Variants in PTPN1 observed in about 807,000 individuals in gnomAD.
The protein encoded by PTPN1 is protein tyrosine phosphatase non-receptor type 1.
A neutral mutation model predicts 59.9 loss-of-function variants in PTPN1; 12 were observed. The observed-to-expected ratio is 0.20, with a 90% CI of 0.13 to 0.32. The LOEUF (loss-of-function observed/expected upper bound fraction) is 0.32, where lower values mean the gene tolerates loss of function less well. Among genes scored for constraint, PTPN1 ranks in the 10% least tolerant of loss-of-function variants. PTPN1 has a pLI of 1.00. For synonymous variants in PTPN1, 178 were observed against 203.6 expected (o/e 0.87, Z 1.07); for missense variants, 356 against 549.2 (o/e 0.65, Z 3.52).
At chr20:50,545,831 C>T (rs2082672900) in intron 1 of PTPN1, among the ~76,000 whole-genome samples, 1 of 151,912 alleles carries the variant, frequency 6.6e-6, no homozygotes, top group African/African-American at 2.4e-5. Context: ...GCCCAGGCAG[C>T]ATAGCGAGAC....
chr20:50,525,797 G>A (rs1484081128), intron 1 of PTPN1, among the ~76,000 whole-genome samples: 1 of 151,516 alleles, frequency 6.6e-6, no homozygotes, highest in East Asian at 1.9e-4. Flanking sequence ...TCATTTATGT[G>A]TCACTGAGTG....
At chr20:50,577,475 C>T (rs1161558344) in intron 5 of PTPN1, 2 of 152,262 alleles carry the variant, frequency 1.3e-5, no homozygotes, top group African/African-American at 2.4e-5. Context: ...AGCCCTTTCC[C>T]TCTCAGGGCC....
At chr20:50,533,434 ACTGCCCC>A (rs1029871199) in intron 1 of PTPN1, among the ~76,000 whole-genome samples, 2 of 151,214 alleles carry the variant, frequency 1.3e-5, no homozygotes, top group Non-Finnish European at 2.9e-5. Context: ...CACATTACCC[ACTGCCCC>A]CTGCCCCCCG....
At chr20:50,564,080 A>C (rs74625864) in intron 2 of PTPN1, among the ~76,000 whole-genome samples, 9 of 151,998 alleles carry the variant, frequency 5.9e-5, no homozygotes, top group Non-Finnish European at 1.5e-5. Context: ...AAAAAAAAAA[A>C]CAAAAACCTC....
chr20:50,547,321 G>A (rs1346733223), intron 1 of PTPN1, among the ~76,000 whole-genome samples: 1 of 151,640 alleles, frequency 6.6e-6, no homozygotes, highest in Non-Finnish European at 1.5e-5. Context: ...TGAAGTTGGT[G>A]TGCTGTTTCT....
chr20:50,563,440 T>G (rs1447227733), intron 2 of PTPN1, among the ~76,000 whole-genome samples: 2 of 152,132 alleles, frequency 1.3e-5, no homozygotes, highest in Non-Finnish European at 1.5e-5. Flanking sequence ...ATTTAGCAAA[T>G]GAAAAAACCA....
At chr20:50,572,506 G>A (rs989048293) in intron 4 of PTPN1, 1 of 152,170 alleles carries the variant, frequency 6.6e-6, no homozygotes, top group Admixed American at 6.5e-5. Flanking sequence ...GATTACAGAG[G>A]GTTATTAAGC....
At chr20:50,555,747 T>C (rs965419852) in intron 1 of PTPN1, among the ~76,000 whole-genome samples, 1 of 151,904 alleles carries the variant, frequency 6.6e-6, no homozygotes, top group African/African-American at 2.4e-5. Flanking sequence ...TTTCTCTGTC[T>C]CTCAGGCATG....
At chr20:50,579,365 A>G (rs2082853899) in intron 7 of PTPN1, 36 bp downstream of exon 7, 6 of 1,587,076 alleles carry the variant, frequency 3.8e-6, no homozygotes, top group Non-Finnish European at 5.2e-6. Flanking sequence ...AGGTGTGACC[A>G]TTTTAACTTT....
intron 1 of PTPN1, among the ~76,000 whole-genome samples, chr20:50,532,104 C>CAA (rs2082604046): frequency 6.6e-6 from 1 of 152,184 alleles, no homozygotes; most frequent in Non-Finnish European, 1.5e-5. Flanking sequence ...CTACCAATGC[C>CAA]AGTTGAAGAG....
chr20:50,526,836 C>A (rs1189837572), intron 1 of PTPN1, among the ~76,000 whole-genome samples: 3 of 152,140 alleles, frequency 2.0e-5, no homozygotes, highest in Non-Finnish European at 4.4e-5. Context: ...CCTACCACCT[C>A]TAGCCCTGGA....
In PTPN1 at chr20:50,568,226, CAG is replaced by C. The variant is rs769053164; in HGVS notation, c.256-147_256-146del. Among the ~76,000 whole-genome samples the C allele has an allele frequency of 7.9e-5, 12 of 152,220 alleles. No individual in the cohort carries two copies. Among genetic ancestry groups the C allele is most frequent in the Non-Finnish European group, 1.2e-4 (8 of 68,042 alleles). Reference sequence around the variant, plus strand: ...GGAGCTGCAGTTACTGACCACCAGGCAGAGAGAGGTGGGTCCCTGTCCCAGCC... The same window carrying C: ...GGAGCTGCAGTTACTGACCACCAGGCAGAGAGGTGGGTCCCTGTCCCAGCC... On this transcript the variant is annotated intron_variant, in intron 3 of 9. Transcript: ENST00000371621. This position sits in a 1 kb window ranked among gnomAD's most constrained non-coding sequence, Gnocchi z 5.6.
In PTPN1 at chr20:50,514,931, C is replaced by T. The variant is rs1601383385; in HGVS notation, c.63+4341C>T. Among the ~76,000 whole-genome samples, 8 of 152,308 alleles carry T rather than the reference C, an allele frequency of 5.3e-5. No individual in the cohort carries two copies. The South Asian group carries it at 1.7e-3, about 32-fold the overall frequency. ...TGGTGATTCCCTCTGCCACATTTCA[C>T]TGGTTGGTCACTATGGCATCCTTTC... On this transcript the variant is annotated intron_variant, in intron 1 of 9. Transcript: ENST00000371621.
At chr20:50,519,178 A>G (rs1000145246) in intron 1 of PTPN1, among the ~76,000 whole-genome samples, 27 of 152,338 alleles carry the variant, frequency 1.8e-4, no homozygotes, top group African/African-American at 6.5e-4. Flanking sequence ...GAGTAACAGT[A>G]TTGGAGTGTG....
chr20:50,578,945 C>G (rs2082850991), intron 6 of PTPN1, among the ~76,000 whole-genome samples: 1 of 152,158 alleles, frequency 6.6e-6, no homozygotes, highest in Non-Finnish European at 1.5e-5. Context: ...AGGTCCCAGA[C>G]TCTTAACCAG....
At chr20:50,560,374 C>T (rs2082746469) in intron 1 of PTPN1, among the ~76,000 whole-genome samples, 1 of 152,204 alleles carries the variant, frequency 6.6e-6, no homozygotes, top group Non-Finnish European at 1.5e-5. Flanking sequence ...TCCAGGTCTT[C>T]CCAGATGGCT....
chr20:50,563,207 C>T (rs920932377), intron 2 of PTPN1: 4 of 152,064 alleles, frequency 2.6e-5, no homozygotes, highest in Non-Finnish European at 5.9e-5. Flanking sequence ...CTATCCTCCT[C>T]CCGTACTCCT....
At chr20:50,522,163 T>A (rs1019914891) in intron 1 of PTPN1, among the ~76,000 whole-genome samples, 1 of 152,182 alleles carries the variant, frequency 6.6e-6, no homozygotes, top group African/African-American at 2.4e-5. Context: ...GCCCTTCCTC[T>A]TTTCTCTTTA....
At chr20:50,526,557 C>T (rs2082576354) in intron 1 of PTPN1, among the ~76,000 whole-genome samples, 1 of 152,142 alleles carries the variant, frequency 6.6e-6, no homozygotes, top group Non-Finnish European at 1.5e-5. Context: ...TCCTCTCTTC[C>T]AGCTATTTCC....
Sources: gnomAD v4.1 joint callset for allele counts (sites outside exome capture counted in the v4.1 genomes callset) on GRCh38, gnomAD v4.1.1 for gene constraint, Gnocchi (gnomAD v3.1) non-coding constraint, MANE v1.5 for transcripts, NCBI Gene and HGNC (gene_info 2026-07-23, HGNC 2026-07-21) for gene names.